Variants in FMNL2 observed in about 807,000 individuals in gnomAD.
FMNL2 encodes formin like 2.
In FMNL2, 51 loss-of-function variants were observed where a neutral mutation model predicts 130.2. That is an observed-to-expected ratio of 0.39 (90% CI 0.31 to 0.49). FMNL2 has a LOEUF of 0.49. Among genes scored for constraint, FMNL2 ranks in the 20% least tolerant of loss-of-function variants. The pLI is 0.85. For synonymous variants in FMNL2, 465 were observed against 467.1 expected (o/e 1.00, Z 0.06); for missense variants, 977 against 1,316.2 (o/e 0.74, Z 3.99).
chr2:152,591,096 G>A (rs541494677), intron 9 of FMNL2, among the ~76,000 whole-genome samples: 11 of 138,328 alleles, frequency 8.0e-5, no homozygotes, highest in East Asian at 4.5e-4. Context: ...TGCAACCTCC[G>A]TCTCCCGGGT....
intron 1 of FMNL2, among the ~76,000 whole-genome samples, chr2:152,512,854 A>G (rs913048977): frequency 1.3e-5 from 2 of 152,218 alleles, no homozygotes; most frequent in African/African-American, 4.8e-5. Flanking sequence ...AGAAAACTAT[A>G]GTCAGGAAAA....
At chr2:152,363,516 G>T (rs1170730263) in intron 1 of FMNL2, among the ~76,000 whole-genome samples, 1 of 151,760 alleles carries the variant, frequency 6.6e-6, no homozygotes, top group Non-Finnish European at 1.5e-5. Flanking sequence ...TAGAATAATC[G>T]GATTTTGGTA....
At chr2:152,343,029 A>G (rs1425482656) in intron 1 of FMNL2, among the ~76,000 whole-genome samples, 1 of 152,220 alleles carries the variant, frequency 6.6e-6, no homozygotes, top group Non-Finnish European at 1.5e-5. Context: ...CAAACTTCAT[A>G]TAGTTTCTGT....
At chr2:152,635,721 C>G (rs1682542298) in intron 21 of FMNL2, among the ~76,000 whole-genome samples, 1 of 152,126 alleles carries the variant, frequency 6.6e-6, no homozygotes, top group African/African-American at 2.4e-5. Context: ...GAGTGCCTGC[C>G]CCGGGAGGGG....
rs1338121772 is a variant in FMNL2 at position 152,476,725 on chromosome 2, T to G, written c.118-45218T>G. Among the ~76,000 whole-genome samples, 4 of 151,426 alleles carry G rather than the reference T, an allele frequency of 2.6e-5. No individual in the cohort carries two copies. The South Asian group carries it at 8.3e-4, about 32-fold the overall frequency. On this transcript the variant is annotated intron_variant, in intron 1 of 25. Transcript: ENST00000288670. The stretch of plus-strand genomic sequence containing the variant: ...AAAAGAAAAAATTGTAGATGAGAGA[T>G]AGTTTGGCAGTCCTCATGAGAACCC...
intron 1 of FMNL2, among the ~76,000 whole-genome samples, chr2:152,386,192 A>G (rs1382666723): frequency 7.2e-5 from 11 of 152,308 alleles, no homozygotes; most frequent in Non-Finnish European, 1.3e-4. Context: ...CAGCACCTTC[A>G]AGGGGGCTAT....
At chr2:152,345,075 T>C (rs1682036297) in intron 1 of FMNL2, among the ~76,000 whole-genome samples, 1 of 152,164 alleles carries the variant, frequency 6.6e-6, no homozygotes, top group South Asian at 2.1e-4. Flanking sequence ...GCATATGTGG[T>C]TTTCTGGAAC....
intron 9 of FMNL2, among the ~76,000 whole-genome samples, chr2:152,584,040 G>C (rs1295246383): frequency 6.6e-6 from 1 of 152,102 alleles, no homozygotes; most frequent in African/African-American, 2.4e-5. Context: ...ATTCTGTGTT[G>C]ATCTTGCTTT....
At chr2:152,372,415 G>T (rs917267680) in intron 1 of FMNL2, among the ~76,000 whole-genome samples, 1 of 152,158 alleles carries the variant, frequency 6.6e-6, no homozygotes, top group African/African-American at 2.4e-5. Context: ...TGCACCATAG[G>T]TGCATTCTTT....
intron 1 of FMNL2, among the ~76,000 whole-genome samples, chr2:152,505,187 G>A (rs905737231): frequency 1.3e-5 from 2 of 151,942 alleles, no homozygotes; most frequent in African/African-American, 2.4e-5. Context: ...GAGATTTTGT[G>A]AGAAAGAAAA....
Position 152,625,319 on chromosome 2 carries a change from G to A in FMNL2, c.1838-119G>A, listed in dbSNP as rs754374207. ...TCCAGCTTTAAAAACCTACTTGCGC[G>A]CCTCTTGCCAACCTTCCTCCAGTGT... On this transcript the variant is annotated intron_variant, in intron 15 of 25. Transcript: ENST00000288670. 7.9e-5 allele frequency: 96 copies of A among 1,210,814 alleles called. No homozygotes were observed. In the Middle Eastern group the frequency reaches 7.9e-4, roughly 10 times the overall value. 75.0% of individuals were successfully genotyped at this position (1,210,814 alleles called of 1,614,324 possible). A position where few individuals can be genotyped will look rare whatever the true frequency, so the allele number is the denominator to read the frequency against.
intron 1 of FMNL2, among the ~76,000 whole-genome samples, chr2:152,341,118 C>T (rs1224150096): frequency 6.6e-6 from 1 of 152,164 alleles, no homozygotes; most frequent in Non-Finnish European, 1.5e-5. Flanking sequence ...GTAGTGAGGC[C>T]ATCAGATGCT....
intron 9 of FMNL2, among the ~76,000 whole-genome samples, chr2:152,602,268 A>G (rs779143095): frequency 6.6e-6 from 1 of 152,168 alleles, no homozygotes; most frequent in Non-Finnish European, 1.5e-5. Context: ...TCATTTTTAC[A>G]TTAACTGGGA....
intron 9 of FMNL2, among the ~76,000 whole-genome samples, chr2:152,593,892 TGTGTGTGTGTGAGAGAGAGA>T (rs1309329161): frequency 0.016 from 1,853 of 113,138 alleles, 38 homozygotes; most frequent in African/African-American, 0.052. Flanking sequence ...TGTGTGTGTG[TGTGTGTGTGTGAGAGAGAGA>T]GAGAGAGAGA....
At chr2:152,526,103 T>G (rs777013847) in intron 2 of FMNL2, among the ~76,000 whole-genome samples, 14 of 152,202 alleles carry the variant, frequency 9.2e-5, no homozygotes, top group Non-Finnish European at 1.6e-4. Context: ...TTTTTGAAAG[T>G]GTTCATGTTT....
intron 21 of FMNL2, among the ~76,000 whole-genome samples, chr2:152,633,029 C>T (rs983682550): frequency 6.6e-6 from 1 of 151,960 alleles, no homozygotes; most frequent in Non-Finnish European, 1.5e-5. Context: ...ACACTCTGGT[C>T]TACCCTCTCG....
chr2:152,646,157 C>CA (rs3080636), intron 25 of FMNL2, among the ~76,000 whole-genome samples: 6,769 of 116,758 alleles, frequency 0.058, 290 homozygotes, highest in African/African-American at 0.11. Flanking sequence ...CCCATCTCTA[C>CA]AAAAAAAAAA....
At chr2:152,378,245 A>C (rs1328112290) in intron 1 of FMNL2, among the ~76,000 whole-genome samples, 1 of 152,338 alleles carries the variant, frequency 6.6e-6, no homozygotes, top group Admixed American at 6.5e-5. Context: ...ATATGCAAGT[A>C]TCTTTTTAAG....
chr2:152,402,236 C>T (rs564613529), intron 1 of FMNL2, among the ~76,000 whole-genome samples: 1 of 152,196 alleles, frequency 6.6e-6, no homozygotes, highest in Non-Finnish European at 1.5e-5. Flanking sequence ...AAATGCTAAG[C>T]GTTGTTCTCA....
Sources: allele counts gnomAD v4.1 joint callset (sites outside exome capture counted in the v4.1 genomes callset), GRCh38; gene constraint gnomAD v4.1.1; transcripts MANE v1.5; gene names NCBI Gene and HGNC (gene_info 2026-07-23, HGNC 2026-07-21).